Variants in DYNC1I1 observed in about 807,000 individuals in gnomAD.
The protein encoded by DYNC1I1 is cytoplasmic dynein 1 intermediate chain 1.
In DYNC1I1, 43 loss-of-function variants were observed where a neutral mutation model predicts 86.6. The ratio of observed to expected loss-of-function variants is 0.50; its 90% CI spans 0.39 to 0.64. The LOEUF (loss-of-function observed/expected upper bound fraction) is 0.64. DYNC1I1 is among the 30% of genes least tolerant of loss of function. DYNC1I1 has a pLI of 0.00. For missense variants in DYNC1I1, 604 were observed against 788.8 expected, an observed-to-expected ratio of 0.77 and a Z score of 2.81; for synonymous variants, 262 against 283.7, an observed-to-expected ratio of 0.92 and a Z score of 0.77.
At chr7:95,881,279 T>G (rs1390442906) in intron 6 of DYNC1I1, among the ~76,000 whole-genome samples, 1 of 152,142 alleles carries the variant, frequency 6.6e-6, no homozygotes, top group East Asian at 1.9e-4. Flanking sequence ...GTGTCAATGC[T>G]GAGCCTGTGT....
chr7:96,076,620 C>A (rs370929816), intron 15 of DYNC1I1, among the ~76,000 whole-genome samples: 1 of 152,078 alleles, frequency 6.6e-6, no homozygotes, highest in South Asian at 2.1e-4. Context: ...CTACTTGTAC[C>A]GTTTCTATTT....
chr7:96,028,512 T>C (rs1190371892), intron 11 of DYNC1I1, among the ~76,000 whole-genome samples, 191 bp downstream of exon 11: 1 of 152,160 alleles, frequency 6.6e-6, no homozygotes, highest in African/African-American at 2.4e-5. Flanking sequence ...GGATGTCTCT[T>C]AATAACCTAC....
At chr7:95,889,312 T>C (rs747784683) in intron 6 of DYNC1I1, among the ~76,000 whole-genome samples, 1 of 152,160 alleles carries the variant, frequency 6.6e-6, no homozygotes, top group Non-Finnish European at 1.5e-5. Flanking sequence ...TTAAAAAGAA[T>C]CTACCACATT....
In DYNC1I1 at chr7:95,911,706, CCTT is replaced by C. The variant is rs1268354584; in HGVS notation, c.490+41711_490+41713del. ...CAGGTTGCAGGGCCTCATCTTTTGA[CCTT>C]CTGGTTCAGCAGGTCTGAAGTCAGG... On this transcript the variant is annotated intron_variant, in intron 6 of 16. Coordinates refer to ENST00000447467, the MANE Select transcript of DYNC1I1 (RefSeq NM_001135556.2). 3.3e-5 allele frequency among the ~76,000 whole-genome samples: 5 copies of C among 152,290 alleles called. No homozygotes were observed. The East Asian group carries it at 9.7e-4, about 29-fold the overall frequency.
chr7:96,021,519 A>G (rs760055540), intron 10 of DYNC1I1, among the ~76,000 whole-genome samples: 10 of 152,210 alleles, frequency 6.6e-5, no homozygotes, highest in South Asian at 6.2e-4. Context: ...CAATTAAGAT[A>G]TATTTTACAT....
chr7:96,089,532 T>C (rs750396320), intron 16 of DYNC1I1, among the ~76,000 whole-genome samples: 9 of 152,114 alleles, frequency 5.9e-5, no homozygotes, highest in Non-Finnish European at 1.3e-4. Context: ...TTAGAAAATA[T>C]CTTTAGAAAA....
chr7:95,824,205 T>G (rs966317769), intron 4 of DYNC1I1, among the ~76,000 whole-genome samples: 6 of 151,516 alleles, frequency 4.0e-5, no homozygotes, highest in African/African-American at 1.5e-4. Context: ...TCGCCCAGGC[T>G]GGTCTTGGAA....
At chr7:95,869,512 CT>C (rs1330525596) in intron 5 of DYNC1I1, among the ~76,000 whole-genome samples, 3 of 151,884 alleles carry the variant, frequency 2.0e-5, no homozygotes, top group Non-Finnish European at 4.4e-5. Context: ...CATTACTTTC[CT>C]TTTCTCCTTC....
intron 6 of DYNC1I1, among the ~76,000 whole-genome samples, chr7:95,921,743 C>T (rs937050221): frequency 2.0e-5 from 3 of 152,162 alleles, no homozygotes; most frequent in Non-Finnish European, 4.4e-5. Flanking sequence ...ATGAATATGT[C>T]GTTTTCCTCT....
chr7:96,095,281 A>G (rs1338668952), intron 16 of DYNC1I1, among the ~76,000 whole-genome samples: 1 of 152,156 alleles, frequency 6.6e-6, no homozygotes, highest in Non-Finnish European at 1.5e-5. Flanking sequence ...ATGTTCCATA[A>G]TCTTTACTAG....
chr7:96,078,712 C>G (rs1790420445), intron 15 of DYNC1I1, among the ~76,000 whole-genome samples: 1 of 151,920 alleles, frequency 6.6e-6, no homozygotes, highest in Non-Finnish European at 1.5e-5. Flanking sequence ...CATAGATTAC[C>G]TAATTCTATT....
At chr7:95,792,694 G>C (rs752483389) in intron 1 of DYNC1I1, among the ~76,000 whole-genome samples, 8 of 152,118 alleles carry the variant, frequency 5.3e-5, no homozygotes, top group African/African-American at 7.2e-5. Context: ...CTTCTAATCT[G>C]TCTTTCATTA....
rs1793787933 is a variant in DYNC1I1, at chr7:95,993,720, C to A, written c.844-2228C>A. On this transcript the variant is annotated intron_variant, in intron 9 of 16. Coordinates refer to ENST00000447467, the MANE Select transcript of DYNC1I1 (RefSeq NM_001135556.2). ...GCACATTGTAACTCTCTGCAGATTT[C>A]TTTAGTTGAGGCTGCTGGAAGAATG... Among the ~76,000 whole-genome samples the A allele has an allele frequency of 2.6e-5, 4 of 151,976 alleles. No homozygotes were observed. In the South Asian group the frequency reaches 8.3e-4, roughly 32 times the overall value.
intron 14 of DYNC1I1, among the ~76,000 whole-genome samples, chr7:96,041,855 C>A (rs966438555): frequency 2.6e-5 from 4 of 151,894 alleles, no homozygotes; most frequent in African/African-American, 7.3e-5. Context: ...TTTGAATATA[C>A]CTTATTTTTA....
At chr7:95,867,549 A>T (rs914092299) in intron 5 of DYNC1I1, among the ~76,000 whole-genome samples, 2 of 152,178 alleles carry the variant, frequency 1.3e-5, no homozygotes, top group Admixed American at 1.3e-4. Flanking sequence ...ATGGTGGAGT[A>T]TCAAATTACA....
At chr7:95,818,294 A>G (rs544543714) in intron 4 of DYNC1I1, among the ~76,000 whole-genome samples, 2 of 148,772 alleles carry the variant, frequency 1.3e-5, no homozygotes, top group African/African-American at 4.9e-5. Context: ...CTCCTCCAAC[A>G]TTTTATTTTT....
chr7:96,088,737 A>G (rs1031809438), intron 16 of DYNC1I1, among the ~76,000 whole-genome samples: 61 of 152,252 alleles, frequency 4.0e-4, no homozygotes, highest in South Asian at 1.0e-3. Context: ...ACATAATCAA[A>G]TATCTGCTTA....
At chr7:96,104,526 CTTAAA>C (rs1464207622) in intron 16 of DYNC1I1, among the ~76,000 whole-genome samples, 2 of 152,002 alleles carry the variant, frequency 1.3e-5, no homozygotes, top group African/African-American at 2.4e-5. Context: ...GATGATGGTT[CTTAAA>C]TTAATTTTTG....
intron 6 of DYNC1I1, among the ~76,000 whole-genome samples, chr7:95,877,319 A>G (rs1036376639): frequency 1.3e-5 from 2 of 152,176 alleles, no homozygotes; most frequent in South Asian, 2.1e-4. Context: ...TGGGACCCCA[A>G]CTGTCTTCTC....
Sources: gnomAD v4.1 joint callset for allele counts (sites outside exome capture counted in the v4.1 genomes callset) on GRCh38, gnomAD v4.1.1 for gene constraint, MANE v1.5 for transcripts, NCBI Gene and HGNC (gene_info 2026-07-23, HGNC 2026-07-21) for gene names.